Variants in NAP1L4 observed in about 807,000 individuals in gnomAD.
The protein encoded by NAP1L4 is nucleosome assembly protein 1-like 4.
NAP1L4 carries 15 observed loss-of-function variants against 58.2 expected under a neutral mutation model. That is an observed-to-expected ratio of 0.26 (90% CI 0.17 to 0.40). The LOEUF (loss-of-function observed/expected upper bound fraction) is 0.40, where lower values mean the gene tolerates loss of function less well. Among genes scored for constraint, NAP1L4 ranks in the 10% least tolerant of loss-of-function variants. NAP1L4 has a pLI of 1.00. For missense variants in NAP1L4, 384 were observed against 451.1 expected (o/e 0.85, Z 1.35); for synonymous variants, 171 against 155.6 (o/e 1.10, Z -0.74).
At chr11:2,980,477 C>T (rs7107830) in intron 1 of NAP1L4, among the ~76,000 whole-genome samples, 42,166 of 152,136 alleles carry the variant, frequency 0.28, 6,503 homozygotes, top group African/African-American at 0.41. Flanking sequence ...TGAGTCAACA[C>T]GCCTGGCCTA....
At chr11:2,973,190 AC>A (rs764781756) in intron 4 of NAP1L4, among the ~76,000 whole-genome samples, 8 of 152,240 alleles carry the variant, frequency 5.3e-5, no homozygotes, top group Non-Finnish European at 8.8e-5. Flanking sequence ...CACAGGCAAC[AC>A]AACTTTGTCC....
At chr11:2,975,938 T>C (rs1847928679) in intron 4 of NAP1L4, 86 bp downstream of exon 4, 2 of 1,166,004 alleles carry the variant, frequency 1.7e-6, no homozygotes, top group South Asian at 2.9e-5. Flanking sequence ...CATTTAATCC[T>C]GTTCTGGGGA....
chr11:2,988,195 G>A (rs549775963), intron 1 of NAP1L4: 4 of 152,112 alleles, frequency 2.6e-5, no homozygotes. Flanking sequence ...TTTACTTGGG[G>A]CGCAGCAGTC....
intron 1 of NAP1L4, among the ~76,000 whole-genome samples, chr11:2,984,542 G>A (rs1848515684): frequency 6.6e-6 from 1 of 152,212 alleles, no homozygotes; most frequent in African/African-American, 2.4e-5. Context: ...TTGCACTCCA[G>A]CCTGGGCAAC....
At chr11:2,990,415 T>C (rs1848891202) in intron 1 of NAP1L4, 2 of 152,236 alleles carry the variant, frequency 1.3e-5, no homozygotes, top group Admixed American at 1.3e-4. Context: ...ACCACGTTGC[T>C]TTCTCTGAAC....
At chr11:2,960,907 T>G (rs574282399) in intron 8 of NAP1L4, among the ~76,000 whole-genome samples, 2 of 152,316 alleles carry the variant, frequency 1.3e-5, no homozygotes, top group Admixed American at 1.3e-4. Flanking sequence ...TCAGACAGCC[T>G]GGATTCAAAT....
intron 7 of NAP1L4, among the ~76,000 whole-genome samples, chr11:2,966,374 G>T (rs1299213490): frequency 6.6e-6 from 1 of 151,992 alleles, no homozygotes; most frequent in Non-Finnish European, 1.5e-5. Context: ...CAACACACCA[G>T]AACTTACTCC....
At position 2,951,928 on chromosome 11, in the gene NAP1L4, C is replaced by T. The variant is rs1249551249; in HGVS notation, c.1036-119G>A. 3.1e-6 allele frequency: 3 copies of T among 977,744 alleles called. No individual in the cohort carries two copies. Among genetic ancestry groups the T allele is most frequent in the Non-Finnish European group, 3.3e-6 (2 of 614,902 alleles). The allele number at this position is 977,744 out of a possible 1,614,324, so 60.6% of individuals were successfully genotyped here. A position where few individuals can be genotyped will look rare whatever the true frequency, so the allele number is the denominator to read the frequency against. On this transcript the variant is annotated intron_variant, in intron 12 of 15. Transcript: ENST00000380542. The surrounding 1 kb of genome is among the most constrained non-coding windows in gnomAD (Gnocchi z 4.0). ...CTAAGAGGAGCAGAAAGTCCAGCCA[C>T]GCTGCCTGCTGGGCCTCGCTTGCCT...
At chr11:2,987,708 G>A (rs1355928487) in intron 1 of NAP1L4, among the ~76,000 whole-genome samples, 1 of 137,254 alleles carries the variant, frequency 7.3e-6, no homozygotes, top group Non-Finnish European at 1.5e-5. Context: ...AGTGAGCCGA[G>A]ATCGCGCCAC....
At chr11:2,985,745 T>C (rs1848579780) in intron 1 of NAP1L4, among the ~76,000 whole-genome samples, 1 of 144,598 alleles carries the variant, frequency 6.9e-6, no homozygotes, top group Non-Finnish European at 1.5e-5. Flanking sequence ...ATGAAAGGGA[T>C]ACCAGGCAAA....
intron 9 of NAP1L4, 48 bp from the exon 10 acceptor site, chr11:2,958,592 T>C (rs774980138): frequency 6.3e-7 from 1 of 1,581,928 alleles, no homozygotes; most frequent in Non-Finnish European, 8.6e-7. Flanking sequence ...ATGAGAAAAA[T>C]CCATTACAAA....
chr11:2,987,910 GCTTAA>G, intron 1 of NAP1L4, among the ~76,000 whole-genome samples: 1 of 152,262 alleles, frequency 6.6e-6, no homozygotes, highest in Non-Finnish European at 1.5e-5. Context: ...AGAAATCTTT[GCTTAA>G]CTCACTGCTA....
chr11:2,978,294 T>TGCATTTTTA lies in NAP1L4; in HGVS notation c.54_62dup (p.Lys19_Ala21dup). 1 of 1,614,056 alleles carries TGCATTTTTA rather than the reference T, an allele frequency of 6.2e-7. No homozygotes were observed. The highest frequency in any genetic ancestry group is 8.5e-7 in the Non-Finnish European group (1 of 1,179,950). On this transcript the variant is annotated inframe_insertion, in exon 3 of 16. Transcript: ENST00000380542. ...GTGCAGTGGACTGACCTGTGTTACT[T>TGCATTTTTA]GCATTTTTAGCAGCTTCCACGGAAT...
chr11:2,991,493 A>G (rs886364371), intron 1 of NAP1L4: 4 of 186,686 alleles, frequency 2.1e-5, no homozygotes, highest in African/African-American at 9.4e-5. Context: ...TTTAAATAGT[A>G]AACAGACTTG....
intron 1 of NAP1L4, among the ~76,000 whole-genome samples, chr11:2,989,691 T>G (rs72850063): frequency 6.6e-5 from 10 of 152,330 alleles, no homozygotes; most frequent in Non-Finnish European, 1.5e-4. Flanking sequence ...TAGCTGCGAA[T>G]AGCTAACAAA....
At chr11:2,963,419 G>A (rs2133944783) in intron 8 of NAP1L4, among the ~76,000 whole-genome samples, 1 of 152,304 alleles carries the variant, frequency 6.6e-6, no homozygotes, top group East Asian at 1.9e-4. Flanking sequence ...ATGGGGCAAG[G>A]AAGATGGGGT....
chr11:2,963,905 C>G (rs774355248), intron 8 of NAP1L4: 1 of 519,198 alleles, frequency 1.9e-6, no homozygotes, highest in Non-Finnish European at 3.8e-6. Context: ...CTGGGAGAAC[C>G]AGGCTGGGAT....
chr11:2,969,797 G>C lies in NAP1L4; in HGVS notation c.534+6C>G, dbSNP rs1847527587. On this transcript the variant is annotated splice_donor_region_variant and intron_variant, in intron 7 of 15. Coordinates refer to ENST00000380542, the MANE Select transcript of NAP1L4 (RefSeq NM_005969.4). ...TAATCTCTCTACAAGACAGAAGTGT[G>C]CTTACCTGGACTAATTCACTCAGCA... 1 of 1,608,752 alleles carries C rather than the reference G, an allele frequency of 6.2e-7. No individual in the cohort carries two copies. Among genetic ancestry groups the C allele is most frequent in the Non-Finnish European group, 8.5e-7 (1 of 1,177,772 alleles).
At chr11:2,981,096 G>A (rs1848274794) in intron 1 of NAP1L4, among the ~76,000 whole-genome samples, 2 of 151,904 alleles carry the variant, frequency 1.3e-5, no homozygotes, top group Non-Finnish European at 2.9e-5. Flanking sequence ...AAATTAGCCA[G>A]GCGTGCTGGT....
Sources: allele counts gnomAD v4.1 joint callset (sites outside exome capture counted in the v4.1 genomes callset), GRCh38; gene constraint gnomAD v4.1.1; non-coding constraint Gnocchi (gnomAD v3.1); transcripts MANE v1.5; gene names NCBI Gene and HGNC (gene_info 2026-07-23, HGNC 2026-07-21).